Variants in ATRNL1 observed in about 807,000 individuals in gnomAD.
The protein encoded by ATRNL1 is attractin like 1.
A neutral mutation model predicts 182.7 loss-of-function variants in ATRNL1; 95 were observed. The ratio of observed to expected loss-of-function variants is 0.52; its 90% CI spans 0.44 to 0.62. The LOEUF is 0.62. Ranked by LOEUF, ATRNL1 falls within the 20% of genes least tolerant of loss-of-function variation. The pLI, the probability that ATRNL1 is intolerant of heterozygous loss-of-function variation, is 0.00. For synonymous variants in ATRNL1, 576 were observed against 568.3 expected (o/e 1.01, Z -0.19); for missense variants, 1,471 against 1,679.5 (o/e 0.88, Z 2.17).
At chr10:115,564,872 A>ATGTAAC (rs1278873939) in intron 26 of ATRNL1, among the ~76,000 whole-genome samples, 1 of 152,030 alleles carries the variant, frequency 6.6e-6, no homozygotes, top group Non-Finnish European at 1.5e-5. Flanking sequence ...ATATTTTTGC[A>ATGTAAC]TGTAACTGTA....
chr10:115,662,281 G>T (rs1005477124), intron 26 of ATRNL1, among the ~76,000 whole-genome samples: 10 of 152,010 alleles, frequency 6.6e-5, no homozygotes, highest in Non-Finnish European at 1.2e-4. Flanking sequence ...ACACCAGTTC[G>T]AATGGTGATC....
chr10:115,807,109 T>C (rs1949937547), intron 27 of ATRNL1, among the ~76,000 whole-genome samples: 1 of 151,924 alleles, frequency 6.6e-6, no homozygotes, highest in South Asian at 2.1e-4. Flanking sequence ...CAGGTACTTT[T>C]TTTTTTTTTT....
chr10:115,540,776 G>A (rs1157415947), intron 25 of ATRNL1, among the ~76,000 whole-genome samples: 1 of 151,364 alleles, frequency 6.6e-6, no homozygotes, highest in East Asian at 1.9e-4. Context: ...AAAAAAAGGG[G>A]GGAGGGAACA....
chr10:115,941,154 C>T (rs1358061939), intron 28 of ATRNL1, among the ~76,000 whole-genome samples: 1 of 152,190 alleles, frequency 6.6e-6, no homozygotes, highest in Non-Finnish European at 1.5e-5. Context: ...TTTCTACATA[C>T]ACATTGCCAT....
intron 17 of ATRNL1, among the ~76,000 whole-genome samples, chr10:115,307,432 T>C (rs557506730): frequency 8.5e-5 from 13 of 152,240 alleles, no homozygotes; most frequent in South Asian, 2.1e-4. Context: ...TGGCTGATTT[T>C]TGTGTTTTTA....
intron 27 of ATRNL1, among the ~76,000 whole-genome samples, chr10:115,759,611 T>G (rs570165358): frequency 2.2e-4 from 33 of 152,058 alleles, no homozygotes; most frequent in Non-Finnish European, 4.7e-4. Flanking sequence ...TCATTTGTAT[T>G]AAAAAGTAAA....
At chr10:115,243,657 C>T (rs1327758698) in intron 10 of ATRNL1, among the ~76,000 whole-genome samples, 1 of 151,948 alleles carries the variant, frequency 6.6e-6, no homozygotes, top group Non-Finnish European at 1.5e-5. Flanking sequence ...CAACAAATTA[C>T]CTTATTCTTA....
intron 24 of ATRNL1, among the ~76,000 whole-genome samples, chr10:115,505,115 C>T (rs1254786829): frequency 1.3e-5 from 2 of 151,858 alleles, no homozygotes; most frequent in Non-Finnish European, 2.9e-5. Flanking sequence ...AAGATGGATG[C>T]CAAATTAAAC....
chr10:115,517,737 T>C (rs1183425507), intron 24 of ATRNL1, among the ~76,000 whole-genome samples: 7 of 151,958 alleles, frequency 4.6e-5, no homozygotes, highest in African/African-American at 1.7e-4. Flanking sequence ...CAAAATATTA[T>C]CATTTTGAAG....
chr10:115,648,215 G>T (rs1273691967), intron 26 of ATRNL1, among the ~76,000 whole-genome samples: 2 of 152,148 alleles, frequency 1.3e-5, no homozygotes, highest in Non-Finnish European at 2.9e-5. Context: ...TTGCTTCAAA[G>T]AGAATAAAAT....
intron 19 of ATRNL1, among the ~76,000 whole-genome samples, chr10:115,338,940 G>T (rs1352706872): frequency 6.6e-6 from 1 of 152,100 alleles, no homozygotes; most frequent in Non-Finnish European, 1.5e-5. Flanking sequence ...TTCTGCATAT[G>T]GATCTCCAGT....
chr10:115,287,795 A>T (rs561011211), intron 15 of ATRNL1, among the ~76,000 whole-genome samples: 4 of 152,260 alleles, frequency 2.6e-5, no homozygotes, highest in Admixed American at 2.6e-4. Flanking sequence ...ATAGAACATT[A>T]GAACTTATTC....
chr10:115,110,649 G>A (rs1554867683), intron 1 of ATRNL1, among the ~76,000 whole-genome samples: 1 of 152,026 alleles, frequency 6.6e-6, no homozygotes, highest in African/African-American at 2.4e-5. Flanking sequence ...CTATGTTTAT[G>A]GTAATTTGTT....
intron 5 of ATRNL1, among the ~76,000 whole-genome samples, chr10:115,148,744 G>GTT (rs71010009): frequency 0.18 from 21,565 of 116,624 alleles, 2,670 homozygotes; most frequent in Non-Finnish European, 0.28. Context: ...GGCCAGATGC[G>GTT]TTTTTTTTTT....
At chr10:115,386,626 C>T (rs1554952696) in intron 19 of ATRNL1, among the ~76,000 whole-genome samples, 1 of 151,950 alleles carries the variant, frequency 6.6e-6, no homozygotes. Context: ...CACTTAAGCA[C>T]CCAAGGTACA....
chr10:115,364,584 C>A (rs1554945313), intron 19 of ATRNL1, among the ~76,000 whole-genome samples: 1 of 148,820 alleles, frequency 6.7e-6, no homozygotes, highest in Non-Finnish European at 1.5e-5. Context: ...GAGAGGGCAT[C>A]CCTGTCTTGT....
In ATRNL1 at chr10:115,215,798, C is replaced by A. The variant is rs151227631; in HGVS notation, c.1450C>A (p.His484Asn). 54 of 1,608,638 alleles carry A rather than the reference C, an allele frequency of 3.4e-5. No individual in the cohort carries two copies. The African/African-American group carries it at 6.0e-4, about 18-fold the overall frequency. The change falls in exon 9 of 29, where the codon CAT becomes AAT. Residue 484 changes from histidine (H) to asparagine (N), a missense_variant. Coordinates refer to ENST00000355044, the MANE Select transcript of ATRNL1 (RefSeq NM_207303.4). ...YDEITKSIYV[H>N]GGYKALPGNK... ...TGAAATAACAAAGTCCATTTATGTT[C>A]ATGGAGGGTATAAAGCATTGCCAGG...
At chr10:115,218,689 T>C (rs1370206644) in intron 9 of ATRNL1, among the ~76,000 whole-genome samples, 1 of 152,226 alleles carries the variant, frequency 6.6e-6, no homozygotes. Flanking sequence ...TAATTCCAGT[T>C]TGGCATTGAA....
chr10:115,547,254 CA>C (rs58330605), intron 25 of ATRNL1, among the ~76,000 whole-genome samples: 2,322 of 127,414 alleles, frequency 0.018, 54 homozygotes, highest in African/African-American at 0.061. Context: ...GACTCCATCT[CA>C]AAAAAAAAAT....
Sources: gnomAD v4.1 joint callset for allele counts (sites outside exome capture counted in the v4.1 genomes callset) on GRCh38, gnomAD v4.1.1 for gene constraint, MANE v1.5 for transcripts, NCBI Gene and HGNC (gene_info 2026-07-23, HGNC 2026-07-21) for gene names.